The following PIK3C2G variants were observed in gnomAD, a reference collection of about 807,000 sequenced individuals.
PIK3C2G encodes phosphatidylinositol 3-kinase C2 domain-containing subunit gamma.
Under a neutral mutation model 181.1 loss-of-function variants are expected in PIK3C2G, and 168 were observed. The ratio of observed to expected loss-of-function variants is 0.93; its 90% CI spans 0.82 to 1.05. The LOEUF (loss-of-function observed/expected upper bound fraction) is 1.05, where lower values mean the gene tolerates loss of function less well. Ranked by LOEUF, PIK3C2G falls within the 50% of genes least tolerant of loss-of-function variation. PIK3C2G has a pLI of 0.00. For synonymous variants in PIK3C2G, 573 were observed against 592.2 expected, an observed-to-expected ratio of 0.97 and a Z score of 0.47; for missense variants, 1,869 against 1,732.8, an observed-to-expected ratio of 1.08 and a Z score of -1.40.
intron 22 of PIK3C2G, among the ~76,000 whole-genome samples, chr12:18,500,179 A>T (rs1941321867): frequency 6.6e-6 from 1 of 152,084 alleles, no homozygotes; most frequent in Admixed American, 6.5e-5. Context: ...GGCTGCGCCC[A>T]GTGCTTGCCG....
At chr12:18,275,372 T>TA (rs1948939489) in intron 1 of PIK3C2G, among the ~76,000 whole-genome samples, 1 of 152,126 alleles carries the variant, frequency 6.6e-6, no homozygotes. Context: ...ACATCTTTTT[T>TA]ATCCTCTTAA....
At chr12:18,484,718 C>T (rs1939877226) in intron 18 of PIK3C2G, among the ~76,000 whole-genome samples, 1 of 152,102 alleles carries the variant, frequency 6.6e-6, no homozygotes. Flanking sequence ...GAGGAAAATA[C>T]TAAATAAATC....
At chr12:18,600,439 CA>C (rs1365872624) in intron 30 of PIK3C2G, among the ~76,000 whole-genome samples, 1 of 151,792 alleles carries the variant, frequency 6.6e-6, no homozygotes, top group Admixed American at 6.6e-5. Context: ...ATAAAAGTTA[CA>C]AACCAAACCA....
the PIK3C2G span, among the ~76,000 whole-genome samples, chr12:18,674,458 A>G: frequency 3.9e-5 from 6 of 152,124 alleles, no homozygotes; most frequent in African/African-American, 2.4e-5. Context: ...CTGGCACGTG[A>G]TATTTTCTCA....
chr12:18,274,077 G>T (rs1192236696), intron 1 of PIK3C2G, among the ~76,000 whole-genome samples: 1 of 152,292 alleles, frequency 6.6e-6, no homozygotes, highest in Non-Finnish European at 1.5e-5. Flanking sequence ...GGCCATCAGA[G>T]AAATGCAAAT....
At chr12:18,609,075 A>G (rs956283545) in intron 30 of PIK3C2G, among the ~76,000 whole-genome samples, 2 of 152,144 alleles carry the variant, frequency 1.3e-5, no homozygotes, top group Admixed American at 1.3e-4. Flanking sequence ...CTCAAAAAGT[A>G]ACTATTATTT....
intron 16 of PIK3C2G, among the ~76,000 whole-genome samples, chr12:18,418,835 T>C (rs1009584541): frequency 6.6e-6 from 1 of 152,168 alleles, no homozygotes; most frequent in Non-Finnish European, 1.5e-5. Context: ...AAGGGAGTTA[T>C]CAACTCCACA....
the PIK3C2G span, among the ~76,000 whole-genome samples, chr12:18,716,615 C>T: frequency 6.6e-5 from 10 of 152,246 alleles, no homozygotes; most frequent in East Asian, 1.9e-4. Context: ...CTCTTGACTT[C>T]GGCTGCTAGG....
chr12:18,255,274 A>AAT (rs1948135046), intron 1 of PIK3C2G, among the ~76,000 whole-genome samples: 1 of 151,976 alleles, frequency 6.6e-6, no homozygotes, highest in Admixed American at 6.6e-5. Flanking sequence ...CAAACAAATA[A>AAT]ATGAAAGAAA....
chr12:18,683,263 A>T, the PIK3C2G span: 5 of 1,612,518 alleles, frequency 3.1e-6, no homozygotes, highest in African/African-American at 6.7e-5. Context: ...AAACATAAAC[A>T]AACAGTGAAG....
intron 26 of PIK3C2G, among the ~76,000 whole-genome samples, chr12:18,556,881 T>C (rs1027615750): frequency 6.6e-6 from 1 of 152,102 alleles, no homozygotes; most frequent in African/African-American, 2.4e-5. Flanking sequence ...TGATGTATAA[T>C]AGTGGAAAAA....
chr12:18,487,575 A>G (rs879639513), intron 18 of PIK3C2G, among the ~76,000 whole-genome samples: 5 of 152,132 alleles, frequency 3.3e-5, no homozygotes, highest in Non-Finnish European at 7.4e-5. Flanking sequence ...AGTCTTTTTT[A>G]ATTCCATTTC....
intron 29 of PIK3C2G, among the ~76,000 whole-genome samples, chr12:18,572,645 T>C (rs1215813632): frequency 6.6e-6 from 1 of 151,964 alleles, no homozygotes; most frequent in African/African-American, 2.4e-5. Flanking sequence ...TGGAAAGTTT[T>C]CAGACATTGT....
the PIK3C2G span, among the ~76,000 whole-genome samples, chr12:18,668,273 G>C: frequency 4.5e-3 from 680 of 152,294 alleles, 5 homozygotes; most frequent in African/African-American, 0.015. Flanking sequence ...TTTTCATTAA[G>C]TATTTACATG....
At chr12:18,348,887 T>G (rs764651512) in intron 11 of PIK3C2G, among the ~76,000 whole-genome samples, 34 of 152,260 alleles carry the variant, frequency 2.2e-4, no homozygotes, top group Admixed American at 1.3e-4. Flanking sequence ...AGTCAAACTG[T>G]TGACTGAGAC....
intron 30 of PIK3C2G, among the ~76,000 whole-genome samples, chr12:18,598,113 A>C (rs1947479591): frequency 6.6e-6 from 1 of 152,184 alleles, no homozygotes; most frequent in Non-Finnish European, 1.5e-5. Flanking sequence ...CCATCAAGCT[A>C]CCAATGACTT....
At chr12:18,566,896 G>T in intron 28 of PIK3C2G, 53 bp from the exon 29 acceptor site, 1 of 887,824 alleles carries the variant, frequency 1.1e-6, no homozygotes, top group African/African-American at 1.7e-5. Flanking sequence ...ATCTTAAGAT[G>T]AAAAGGCCAG....
intron 17 of PIK3C2G, among the ~76,000 whole-genome samples, chr12:18,422,795 C>T (rs776534886): frequency 3.3e-5 from 5 of 152,078 alleles, no homozygotes; most frequent in Non-Finnish European, 7.4e-5. Context: ...ACCTCCTGCT[C>T]ATATGCTCAT....
chr12:18,395,015 TTTTC>T (rs138033949), intron 15 of PIK3C2G, among the ~76,000 whole-genome samples: 6,730 of 148,416 alleles, frequency 0.045, 197 homozygotes, highest in Non-Finnish European at 0.068. Flanking sequence ...TCTTTCTTCT[TTTTC>T]TTTCTTTCTT....
Sources: gnomAD v4.1 joint callset for allele counts (sites outside exome capture counted in the v4.1 genomes callset) on GRCh38, gnomAD v4.1.1 for gene constraint, MANE v1.5 for transcripts, NCBI Gene and HGNC (gene_info 2026-07-23, HGNC 2026-07-21) for gene names.